The following ZNF462 variants were observed in gnomAD, a reference collection of about 807,000 sequenced individuals.
The protein encoded by ZNF462 is zinc finger protein 462, also known as zinc finger PBX1-interacting protein.
A neutral mutation model predicts 201.9 loss-of-function variants in ZNF462; 10 were observed. That is an observed-to-expected ratio of 0.05 (90% CI 0.03 to 0.08). The LOEUF (loss-of-function observed/expected upper bound fraction) is 0.08, where lower values mean the gene tolerates loss of function less well. ZNF462 is among the 10% of genes least tolerant of loss of function. The pLI is 1.00. For missense variants in ZNF462, 2,523 were observed against 3,168.3 expected (o/e 0.80, Z 4.89); for synonymous variants, 1,227 against 1,193.3 (o/e 1.03, Z -0.58).
Position 106,932,496 on chromosome 9 carries a change from C to G in ZNF462, c.6063C>G (p.Arg2021=), listed in dbSNP as rs376720857. Residue 2021 remains arginine (R), a synonymous_variant, in exon 5 of 13, where the codon CGC becomes CGG. Coordinates refer to ENST00000277225, the MANE Select transcript of ZNF462 (RefSeq NM_021224.6). This position sits in a 1 kb window ranked among gnomAD's most constrained non-coding sequence, Gnocchi z 6.8. ...ACCTGGCCCTGGCCATGTTTACCCG[C>G]GAGGACAAGTACAGCTGCCAGTATT... The part of the protein sequence containing the change: ...RSHLALAMFT[R]EDKYSCQYCS... 4 of 1,614,094 alleles carry G rather than the reference C, an allele frequency of 2.5e-6. No individual in the cohort carries two copies. The African/African-American group carries it at 5.3e-5, about 22-fold the overall frequency.
chr9:106,908,912 T>TATATAC (rs1554699363), intron 1 of ZNF462, among the ~76,000 whole-genome samples: 10 of 12,956 alleles, frequency 7.7e-4, no homozygotes, highest in African/African-American at 6.2e-3. Context: ...CATATATACA[T>TATATAC]ATATATATAT....
At position 106,932,492 on chromosome 9, in the gene ZNF462, C is replaced by T. The variant is rs1348111206; in HGVS notation, c.6059C>T (p.Thr2020Ile). 6.2e-7 allele frequency: 1 copy of T among 1,614,236 alleles called. No homozygotes were observed. The highest frequency in any genetic ancestry group is 2.2e-5 in the East Asian group (1 of 44,882). ...ERSHLALAMF[T>I]REDKYSCQYC... ...AGCCACCTGGCCCTGGCCATGTTTACCCGCGAGGACAAGTACAGCTGCCAG... is the reference window on the plus strand; with the variant it reads ...AGCCACCTGGCCCTGGCCATGTTTATCCGCGAGGACAAGTACAGCTGCCAG... The change falls in exon 5 of 13, where the codon ACC becomes ATC. Residue 2020 changes from threonine (T) to isoleucine (I), a missense_variant. Thr to Ile is a moderately conservative substitution (Grantham distance 89). Around this residue, in one of 15 missense-constraint regions of ZNF462, gnomAD observed 107 missense variants for 187.7 expected, o/e 0.57. Coordinates refer to ENST00000277225, the MANE Select transcript of ZNF462 (RefSeq NM_021224.6). This position sits in a 1 kb window ranked among gnomAD's most constrained non-coding sequence, Gnocchi z 6.8.
At chr9:106,915,584 TG>T (rs1276956840) in intron 1 of ZNF462, among the ~76,000 whole-genome samples, 1 of 152,198 alleles carries the variant, frequency 6.6e-6, no homozygotes, top group Non-Finnish European at 1.5e-5. Context: ...ATTAATTTGT[TG>T]AAGCAAGGGT....
intron 7 of ZNF462, among the ~76,000 whole-genome samples, chr9:106,961,186 G>T (rs1198658563): frequency 6.6e-6 from 1 of 152,088 alleles, no homozygotes; most frequent in Non-Finnish European, 1.5e-5. Flanking sequence ...TGAAAAAAAT[G>T]AGGGATAGAG....
At position 106,925,942 on chromosome 9, in the gene ZNF462, G is replaced by A. The variant is rs371687231; in HGVS notation, c.2030G>A (p.Arg677Lys). ...AACAATTTTGTAGCTAAAGCCTCTA[G>A]GAAGCTCGCCAATGACTTTCCTCTA... ...SKNNFVAKAS[R>K]KLANDFPLDL... Residue 677 changes from arginine to lysine, a missense_variant, in exon 3 of 13, where the codon AGG (arginine) becomes AAG (lysine). Coordinates refer to ENST00000277225, the MANE Select transcript of ZNF462 (RefSeq NM_021224.6). The surrounding 1 kb of genome is among the most constrained non-coding windows in gnomAD (Gnocchi z 7.9). 6.2e-7 allele frequency: 1 copy of A among 1,614,010 alleles called. No homozygotes were observed. The highest frequency in any genetic ancestry group is 8.5e-7 in the Non-Finnish European group (1 of 1,180,022).
At chr9:106,888,030 T>C (rs924738841) in intron 1 of ZNF462, among the ~76,000 whole-genome samples, 11 of 151,298 alleles carry the variant, frequency 7.3e-5, no homozygotes, top group African/African-American at 2.2e-4. Flanking sequence ...ATAGCTGTTC[T>C]GTAAATGTGG....
chr9:106,926,193 T>C lies in ZNF462; in HGVS notation c.2281T>C (p.Trp761Arg), dbSNP rs369870704. 237 of 1,614,056 alleles carry C rather than the reference T, an allele frequency of 1.5e-4. No individual in the cohort carries two copies. Among genetic ancestry groups the C allele is most frequent in the Non-Finnish European group, 2.0e-4 (232 of 1,180,036 alleles). The change falls in exon 3 of 13, where the codon TGG becomes CGG. Residue 761 changes from tryptophan to arginine, a missense_variant. Transcript: ENST00000277225. The surrounding 1 kb of genome is among the most constrained non-coding windows in gnomAD (Gnocchi z 7.9). ...CACTTCCTTTTCTGCCCAACAGATA[T>C]GGGTAAGAGATACCAGTGAGCCCCA... The part of the protein sequence containing the change: ...VPTSFSAQQI[W>R]VRDTSEPQKE...
At chr9:106,910,362 GTTTT>G (rs1011376719) in intron 1 of ZNF462, among the ~76,000 whole-genome samples, 2 of 64,806 alleles carry the variant, frequency 3.1e-5, no homozygotes, top group East Asian at 4.7e-4. Flanking sequence ...CCTTGTTTTA[GTTTT>G]TTTTTTTTTT....
rs1206858211 is a variant in ZNF462, at chr9:106,924,772, A to G, written c.860A>G (p.Asp287Gly). The G allele has an allele frequency of 1.2e-6, 2 of 1,614,010 alleles. No individual in the cohort carries two copies. The highest frequency in any genetic ancestry group is 1.7e-6 in the Non-Finnish European group (2 of 1,180,038). Residue 287 changes from aspartate (D) to glycine (G), a missense_variant, in exon 3 of 13, where the codon GAT becomes GGT. Coordinates refer to ENST00000277225, the MANE Select transcript of ZNF462 (RefSeq NM_021224.6). This position sits in a 1 kb window ranked among gnomAD's most constrained non-coding sequence, Gnocchi z 6.2. ...CAACAAGAAGGAACTAATCTACCTGATGTGCCGAACAAGAGTGCCCCCAGC... is the reference window on the plus strand; with the variant it reads ...CAACAAGAAGGAACTAATCTACCTGGTGTGCCGAACAAGAGTGCCCCCAGC... The part of the protein sequence containing the change: ...RQQQEGTNLP[D>G]VPNKSAPSPT...
At position 106,924,144 on chromosome 9, in the gene ZNF462, A is replaced by G; in HGVS notation, c.232A>G (p.Thr78Ala). ...IAEDLSGQNA[T>A]SLGTGGYYGH... ...TGCTTTTTCTTTAGGTCAAAATGCA[A>G]CTTCATTGGGGACCGGAGGTTACTA... The change falls in exon 3 of 13, where the codon ACT (threonine) becomes GCT (alanine). Residue 78 changes from threonine (T) to alanine (A), a missense_variant. Thr to Ala is a moderately conservative substitution (Grantham distance 58, BLOSUM62 0). Around this residue, in one of 15 missense-constraint regions of ZNF462, gnomAD observed 480 missense variants for 544.4 expected, o/e 0.88. Transcript: ENST00000277225. The surrounding 1 kb of genome is among the most constrained non-coding windows in gnomAD (Gnocchi z 6.2). The G allele has an allele frequency of 6.3e-7, 1 of 1,592,632 alleles. No individual in the cohort carries two copies. The highest frequency in any genetic ancestry group is 1.9e-5 in the Admixed American group (1 of 54,026).
In ZNF462 at chr9:106,923,058, G is replaced by C. The variant is rs991239174; in HGVS notation, c.-30-296G>C. ...AATTTGGATTCAGTGGAGAAGCTCAGAAACTTCTAAAACTTTTGAAGTATT... is the reference window on the plus strand; with the variant it reads ...AATTTGGATTCAGTGGAGAAGCTCACAAACTTCTAAAACTTTTGAAGTATT... On this transcript the variant is annotated intron_variant, in intron 1 of 12. Transcript: ENST00000277225. This position sits in a 1 kb window ranked among gnomAD's most constrained non-coding sequence, Gnocchi z 5.6. Among the ~76,000 whole-genome samples, 3 of 152,198 alleles carry C rather than the reference G, an allele frequency of 2.0e-5. No homozygotes were observed. Among genetic ancestry groups the C allele is most frequent in the Admixed American group, 2.0e-4 (3 of 15,286 alleles).
intron 7 of ZNF462, among the ~76,000 whole-genome samples, chr9:106,939,484 G>A (rs185630101): frequency 6.6e-6 from 1 of 152,142 alleles, no homozygotes; most frequent in Non-Finnish European, 1.5e-5. Context: ...TATGTGCTGC[G>A]AAATGTTTGG....
At chr9:106,947,686 A>G (rs1363095040) in intron 7 of ZNF462, among the ~76,000 whole-genome samples, 1 of 152,200 alleles carries the variant, frequency 6.6e-6, no homozygotes, top group South Asian at 2.1e-4. Context: ...GGGCACGAGG[A>G]GTGAAATGGT....
intron 1 of ZNF462, among the ~76,000 whole-genome samples, chr9:106,908,556 C>G (rs897862032): frequency 6.6e-6 from 1 of 151,930 alleles, no homozygotes; most frequent in African/African-American, 2.4e-5. Flanking sequence ...GTGTCTCTTA[C>G]AGACAGAATC....
intron 7 of ZNF462, among the ~76,000 whole-genome samples, chr9:106,964,403 T>C (rs1831979818): frequency 1.3e-5 from 2 of 152,100 alleles, no homozygotes; most frequent in Admixed American, 1.3e-4. Flanking sequence ...TTTAATTTCA[T>C]TTAAAATGTA....
chr9:106,888,015 A>G (rs1828396973), intron 1 of ZNF462, among the ~76,000 whole-genome samples: 1 of 151,890 alleles, frequency 6.6e-6, no homozygotes, highest in African/African-American at 2.4e-5. Context: ...AGTGCTAGGT[A>G]CATGATAGCT....
At chr9:106,864,457 C>G (rs1206966442) in intron 1 of ZNF462, among the ~76,000 whole-genome samples, 3 of 151,950 alleles carry the variant, frequency 2.0e-5, no homozygotes, top group East Asian at 1.9e-4. Context: ...CAGCCGCCCC[C>G]CATTGGAGCA....
rs568873949 is a variant in ZNF462, at chr9:106,978,453, G to T, written c.6832+4180G>T. Among the ~76,000 whole-genome samples the T allele has an allele frequency of 7.3e-5, 11 of 151,714 alleles. No homozygotes were observed. In the South Asian group the frequency reaches 2.3e-3, roughly 31 times the overall value. ...GGAAGCCAGGACAAATTCTGATCAG[G>T]TTACTGATGAGACACTTATTGAATA... On this transcript the variant is annotated intron_variant, in intron 9 of 12. Transcript: ENST00000277225. This position sits in a 1 kb window ranked among gnomAD's most constrained non-coding sequence, Gnocchi z 4.1.
At chr9:106,943,969 T>A in intron 7 of ZNF462, among the ~76,000 whole-genome samples, 1 of 152,246 alleles carries the variant, frequency 6.6e-6, no homozygotes, top group Non-Finnish European at 1.5e-5. Flanking sequence ...GATAAAAAAA[T>A]CTTCCTTGAC....
Sources: gnomAD v4.1 joint callset for allele counts (sites outside exome capture counted in the v4.1 genomes callset) on GRCh38, gnomAD v4.1.1 for gene constraint, gnomAD v4.1.1 regional missense constraint, Gnocchi (gnomAD v3.1) non-coding constraint, MANE v1.5 for transcripts, NCBI Gene and HGNC (gene_info 2026-07-23, HGNC 2026-07-21) for gene names.